Variants in WDR72 observed in about 807,000 individuals in gnomAD.
WDR72 encodes WD repeat domain 72, also known as WD repeat-containing protein 72.
WDR72 carries 120 observed loss-of-function variants against 124.2 expected under a neutral mutation model. The ratio of observed to expected loss-of-function variants is 0.97; its 90% CI spans 0.83 to 1.12. WDR72 has a LOEUF of 1.12. WDR72 is among the 50% of genes most tolerant of loss of function. The pLI is 0.00. For synonymous variants in WDR72, 452 were observed against 441.7 expected (o/e 1.02, Z -0.29); for missense variants, 1,387 against 1,278.8 (o/e 1.08, Z -1.29).
chr15:53,743,661 G>C (rs890050912), intron 1 of WDR72, among the ~76,000 whole-genome samples: 3 of 152,156 alleles, frequency 2.0e-5, no homozygotes, highest in Non-Finnish European at 4.4e-5. Flanking sequence ...AAGTACTAGT[G>C]ATAGCTTGAT....
intron 17 of WDR72, among the ~76,000 whole-genome samples, chr15:53,600,974 G>A (rs921732469): frequency 1.3e-5 from 2 of 152,112 alleles, no homozygotes; most frequent in Non-Finnish European, 2.9e-5. Flanking sequence ...TTATTCATCA[G>A]CAAAATTAAT....
intron 13 of WDR72, among the ~76,000 whole-genome samples, chr15:53,666,883 G>C (rs762581727): frequency 1.3e-5 from 2 of 152,060 alleles, no homozygotes. Flanking sequence ...CCATTAGCTG[G>C]CACTGTGGAT....
At chr15:53,761,554 G>T (rs1049839485), upstream of WDR72, among the ~76,000 whole-genome samples, 6 of 152,186 alleles carry the variant, frequency 3.9e-5, no homozygotes, top group African/African-American at 1.4e-4. Flanking sequence ...GCATAGGCAT[G>T]GTGGCTCATG....
At chr15:53,698,270 C>A (rs2017066135) in intron 13 of WDR72, among the ~76,000 whole-genome samples, 1 of 152,064 alleles carries the variant, frequency 6.6e-6, no homozygotes, top group African/African-American at 2.4e-5. Flanking sequence ...CGTGAGTGCC[C>A]AGATATTTAT....
chr15:53,663,137 C>G (rs183611697), intron 14 of WDR72, among the ~76,000 whole-genome samples: 134 of 151,746 alleles, frequency 8.8e-4, no homozygotes, highest in African/African-American at 3.2e-3. Context: ...AACAGCCTAA[C>G]TCTATCAGGA....
chr15:53,740,459 C>A (rs1470770628), intron 1 of WDR72, among the ~76,000 whole-genome samples: 4 of 152,118 alleles, frequency 2.6e-5, no homozygotes, highest in Non-Finnish European at 5.9e-5. Context: ...AGGCGCCCAC[C>A]ACCGCGCCCG....
intron 1 of WDR72, among the ~76,000 whole-genome samples, chr15:53,750,920 A>G (rs1050175346): frequency 6.6e-6 from 1 of 152,178 alleles, no homozygotes; most frequent in Non-Finnish European, 1.5e-5. Context: ...GAGCAAAGAA[A>G]GTGGTTTCTT....
chr15:53,522,748 C>A (rs959636073), intron 19 of WDR72, among the ~76,000 whole-genome samples: 2 of 152,026 alleles, frequency 1.3e-5, no homozygotes, highest in Admixed American at 6.6e-5. Context: ...TGACAGTATT[C>A]ATTACCATCA....
At chr15:53,719,034 A>G (rs986245923) in intron 3 of WDR72, among the ~76,000 whole-genome samples, 2 of 152,086 alleles carry the variant, frequency 1.3e-5, no homozygotes, top group Non-Finnish European at 2.9e-5. Flanking sequence ...TGTTCCATGG[A>G]TAAATACATC....
upstream of WDR72, among the ~76,000 whole-genome samples, chr15:53,761,225 A>G (rs2019057856): frequency 6.6e-6 from 1 of 152,256 alleles, no homozygotes; most frequent in Non-Finnish European, 1.5e-5. Context: ...GGTGCTCAAC[A>G]TCATTGATCA....
chr15:53,643,829 A>C (rs184791096), intron 14 of WDR72, among the ~76,000 whole-genome samples: 108 of 151,156 alleles, frequency 7.1e-4, no homozygotes, highest in African/African-American at 2.2e-3. Flanking sequence ...ACCCTGTCAC[A>C]AAAAAAAATG....
At chr15:53,535,984 G>A in intron 18 of WDR72, among the ~76,000 whole-genome samples, 1 of 152,302 alleles carries the variant, frequency 6.6e-6, no homozygotes, top group East Asian at 1.9e-4. Context: ...TAGGATGCCT[G>A]CCTGCATGCG....
chr15:53,726,266 A>ATATATATATGTATGTGTGTGTG lies in WDR72; in HGVS notation c.154-3359_154-3358insCACACACACATACATATATATA, dbSNP rs2018031753. Among the ~76,000 whole-genome samples the ATATATATATGTATGTGTGTGTG allele has an allele frequency of 6.0e-5, 5 of 83,340 alleles. No homozygotes were observed. The South Asian group carries it at 1.5e-3, about 26-fold the overall frequency. The allele number at this position is 83,340 out of a possible 152,430, so 54.7% of individuals were successfully genotyped here. A position where few individuals can be genotyped will look rare whatever the true frequency, so the allele number is the denominator to read the frequency against. ...TGTGTATATATATATGTATGTGTGT[A>ATATATATATGTATGTGTGTGTG]TATATATATATATATATATACACAC... is the stretch of plus-strand genomic sequence containing the variant. On this transcript the variant is annotated intron_variant, in intron 2 of 19. Transcript: ENST00000360509.
chr15:53,652,058 C>T (rs963194430), intron 14 of WDR72: 2 of 152,286 alleles, frequency 1.3e-5, no homozygotes, highest in African/African-American at 4.8e-5. Flanking sequence ...CTAGCATGTT[C>T]ATGGTAAATT....
rs144033828 is a variant in WDR72, at chr15:53,665,647, T to C, written c.1887A>G (p.Ile629Met). 1.2e-6 allele frequency: 2 copies of C among 1,613,866 alleles called. No individual in the cohort carries two copies. The highest frequency in any genetic ancestry group is 1.7e-6 in the Non-Finnish European group (2 of 1,179,910). The change falls in exon 14 of 20, where the codon ATA becomes ATG. Residue 629 changes from isoleucine to methionine, a missense_variant. Coordinates refer to ENST00000360509, the MANE Select transcript of WDR72 (RefSeq NM_182758.4). ...GGTAGGGGCTGGAGGATCTCTGTTC[T>C]ATACTTTTGTGCTTAAGTGTCTCTG... ...IASETLKHKS[I>M]EQRSSSPYQL...
At chr15:53,684,502 G>A (rs28607291) in intron 13 of WDR72, 1,966 of 161,796 alleles carry the variant, frequency 0.012, 42 homozygotes, top group African/African-American at 0.046. Flanking sequence ...CTTTTCCGAC[G>A]GGCTTAAAAA....
At chr15:53,693,763 C>T (rs908411060) in intron 13 of WDR72, among the ~76,000 whole-genome samples, 13 of 152,196 alleles carry the variant, frequency 8.5e-5, no homozygotes, top group Non-Finnish European at 1.6e-4. Flanking sequence ...GAAAATAACT[C>T]TGAAACGTAT....
chr15:53,568,578 C>T (rs541741290), intron 18 of WDR72, among the ~76,000 whole-genome samples: 5 of 151,994 alleles, frequency 3.3e-5, no homozygotes, highest in Non-Finnish European at 7.4e-5. Context: ...AACTTGCTCC[C>T]CATTGTCACT....
At chr15:53,655,330 A>G (rs146120194) in intron 14 of WDR72, among the ~76,000 whole-genome samples, 88 of 151,646 alleles carry the variant, frequency 5.8e-4, no homozygotes, top group African/African-American at 2.1e-3. Flanking sequence ...AATAAAAGAT[A>G]GGTCCTTGGT....
Sources: gnomAD v4.1 joint callset for allele counts (sites outside exome capture counted in the v4.1 genomes callset) on GRCh38, gnomAD v4.1.1 for gene constraint, MANE v1.5 for transcripts, NCBI Gene and HGNC (gene_info 2026-07-23, HGNC 2026-07-21) for gene names.